RBFOX1: variants seen among roughly 807,000 people sequenced by gnomAD.
The protein encoded by RBFOX1 is RNA binding fox-1 homolog 1, also known as RNA binding protein fox-1 homolog 1.
RBFOX1 carries 8 observed loss-of-function variants against 57.7 expected under a neutral mutation model. That is an observed-to-expected ratio of 0.14 (90% CI 0.08 to 0.25). RBFOX1 has a LOEUF of 0.25. RBFOX1 is among the 10% of genes least tolerant of loss of function. The pLI is 1.00. For synonymous variants in RBFOX1, 326 were observed against 222.4 expected, an observed-to-expected ratio of 1.47 and a Z score of -4.15; for missense variants, 611 against 548.5, an observed-to-expected ratio of 1.11 and a Z score of -1.14.
chr16:6,395,209 T>C (rs1596540996), intron 2 of RBFOX1, among the ~76,000 whole-genome samples: 1 of 152,202 alleles, frequency 6.6e-6, no homozygotes, highest in Admixed American at 6.5e-5. Flanking sequence ...AGACAGGATT[T>C]TTTTTGTCAA....
chr16:5,708,901 AAAGACGAGAGTGAGAGC>A (rs1299732179), intron 3 of RBFOX1, among the ~76,000 whole-genome samples: 17 of 152,200 alleles, frequency 1.1e-4, no homozygotes, highest in Admixed American at 4.6e-4. Flanking sequence ...ATAGAAGAGG[AAAGACGAGAGTGAGAGC>A]AAGAAGAGGA....
At chr16:6,999,235 T>G (rs1393011450) in intron 3 of RBFOX1, among the ~76,000 whole-genome samples, 3 of 146,704 alleles carry the variant, frequency 2.0e-5, no homozygotes, top group Non-Finnish European at 3.0e-5. Context: ...ATTTATTTTT[T>G]TTTTTAGAGA....
At chr16:6,518,797 G>GTCCA (rs1555519402) in intron 2 of RBFOX1, among the ~76,000 whole-genome samples, 1 of 103,980 alleles carries the variant, frequency 9.6e-6, no homozygotes, top group African/African-American at 3.5e-5. Flanking sequence ...CTGTGTGTCT[G>GTCCA]TCTATCTATC....
intron 1 of RBFOX1, among the ~76,000 whole-genome samples, chr16:6,187,314 G>A (rs1413682798): frequency 6.6e-6 from 1 of 152,028 alleles, no homozygotes; most frequent in Non-Finnish European, 1.5e-5. Context: ...CATGAGAGGA[G>A]GAAAGAGTAG....
At position 6,356,380 on chromosome 16, in the gene RBFOX1, G is replaced by A. The variant is rs891800593; in HGVS notation, c.-64+39323G>A. Among the ~76,000 whole-genome samples the A allele has an allele frequency of 6.6e-5, 10 of 152,276 alleles. No individual in the cohort carries two copies. In the East Asian group the frequency reaches 1.2e-3, roughly 18 times the overall value. On this transcript the variant is annotated intron_variant, in intron 2 of 15. Coordinates refer to ENST00000550418, the MANE Select transcript of RBFOX1 (RefSeq NM_018723.4). ...TTAACCCCAGGAGATTGAGGCTGCC[G>A]TGAGCTATGATTGTACCACAGCCCT...
intron 4 of RBFOX1, among the ~76,000 whole-genome samples, chr16:7,084,382 T>C (rs1287376056): frequency 2.6e-5 from 4 of 152,144 alleles, no homozygotes; most frequent in Admixed American, 2.6e-4. Flanking sequence ...ATATTAATAT[T>C]TGAACAAATA....
chr16:6,686,898 G>A (rs1490619297), intron 3 of RBFOX1, among the ~76,000 whole-genome samples: 1 of 152,164 alleles, frequency 6.6e-6, no homozygotes, highest in Non-Finnish European at 1.5e-5. Flanking sequence ...TCCAAGAAAT[G>A]CTTTTGATTA....
At chr16:5,407,377 G>T (rs1443185302) in intron 1 of RBFOX1, among the ~76,000 whole-genome samples, 1 of 152,038 alleles carries the variant, frequency 6.6e-6, no homozygotes, top group Non-Finnish European at 1.5e-5. Flanking sequence ...GATGAGTAGT[G>T]AGGCATGGAG....
intron 4 of RBFOX1, among the ~76,000 whole-genome samples, chr16:5,961,523 A>T (rs2059748384): frequency 6.6e-6 from 1 of 151,896 alleles, no homozygotes; most frequent in South Asian, 2.1e-4. Context: ...TTTTTTAATT[A>T]TTGTTTTATT....
chr16:7,236,345 A>T (rs983255384), intron 4 of RBFOX1, among the ~76,000 whole-genome samples: 4 of 152,132 alleles, frequency 2.6e-5, no homozygotes, highest in Non-Finnish European at 5.9e-5. Flanking sequence ...TGTATGCAAA[A>T]AGTAGAACAT....
intron 3 of RBFOX1, among the ~76,000 whole-genome samples, chr16:6,877,443 A>T (rs1262508741): frequency 6.6e-6 from 1 of 152,076 alleles, no homozygotes; most frequent in African/African-American, 2.4e-5. Flanking sequence ...GCAAAACCAG[A>T]GTAGTGGGGA....
At chr16:6,931,060 G>A (rs1238116377) in intron 3 of RBFOX1, among the ~76,000 whole-genome samples, 1 of 151,538 alleles carries the variant, frequency 6.6e-6, no homozygotes, top group Non-Finnish European at 1.5e-5. Flanking sequence ...GTTTTTCATT[G>A]CTGTATGCCT....
intron 2 of RBFOX1, among the ~76,000 whole-genome samples, chr16:6,427,017 A>G (rs2093948282): frequency 1.3e-5 from 2 of 152,300 alleles, no homozygotes; most frequent in South Asian, 4.2e-4. Context: ...AGACTATGGC[A>G]TGAACTCCTG....
intron 2 of RBFOX1, among the ~76,000 whole-genome samples, chr16:6,629,372 T>G (rs1053547537): frequency 1.3e-5 from 2 of 152,214 alleles, no homozygotes; most frequent in African/African-American, 2.4e-5. Flanking sequence ...TTGAGGATGT[T>G]TAACGACTTT....
intron 1 of RBFOX1, among the ~76,000 whole-genome samples, chr16:6,123,028 T>A (rs184503880): frequency 2.9e-4 from 44 of 152,000 alleles, no homozygotes; most frequent in African/African-American, 1.0e-3. Context: ...TTAACACACA[T>A]GGCTATCAGA....
intron 3 of RBFOX1, among the ~76,000 whole-genome samples, chr16:5,678,367 A>G (rs2050227938): frequency 6.6e-6 from 1 of 152,216 alleles, no homozygotes; most frequent in South Asian, 2.1e-4. Flanking sequence ...ACAAACAAGT[A>G]TTCGTCCCAA....
rs1318342290 is a variant in RBFOX1 at position 7,705,564 on chromosome 16, A to AGATGAAGATT, written c.996-3489_996-3480dup. 2.6e-5 allele frequency among the ~76,000 whole-genome samples: 4 copies of AGATGAAGATT among 152,298 alleles called. No individual in the cohort carries two copies. In the South Asian group the frequency reaches 8.3e-4, roughly 32 times the overall value. On this transcript the variant is annotated intron_variant, in intron 14 of 15. Coordinates refer to ENST00000550418, the MANE Select transcript of RBFOX1 (RefSeq NM_018723.4). ...TGGAGCACAGTAACCAAGGGAAGGA[A>AGATGAAGATT]GATGAAGATTGAAAGAGGGACAGAG... is the stretch of plus-strand genomic sequence containing the variant.
intron 2 of RBFOX1, among the ~76,000 whole-genome samples, chr16:5,573,043 G>C (rs567117584): frequency 6.6e-6 from 1 of 152,286 alleles, no homozygotes; most frequent in East Asian, 1.9e-4. Context: ...TATGGGGCAG[G>C]GGCAGGGAGG....
intron 2 of RBFOX1, among the ~76,000 whole-genome samples, chr16:6,465,995 G>T (rs778519488): frequency 6.6e-6 from 1 of 152,176 alleles, no homozygotes; most frequent in Non-Finnish European, 1.5e-5. Context: ...TTGAGAGGCT[G>T]AGGTGGGTGG....
Sources: gnomAD v4.1 joint callset for allele counts (sites outside exome capture counted in the v4.1 genomes callset) on GRCh38, gnomAD v4.1.1 for gene constraint, MANE v1.5 for transcripts, NCBI Gene and HGNC (gene_info 2026-07-23, HGNC 2026-07-21) for gene names.